The following YAP1 variants were observed in gnomAD, a reference collection of about 807,000 sequenced individuals.
The protein encoded by YAP1 is transcriptional coactivator YAP1.
In YAP1, 5 loss-of-function variants were observed where a neutral mutation model predicts 56.9. That is an observed-to-expected ratio of 0.09 (90% CI 0.05 to 0.18). YAP1 has a LOEUF of 0.18. YAP1 is among the 10% of genes least tolerant of loss of function. The pLI is 1.00. For synonymous variants in YAP1, 265 were observed against 248.1 expected (o/e 1.07, Z -0.64); for missense variants, 539 against 651.8 (o/e 0.83, Z 1.88).
In YAP1 at chr11:102,232,249, C is replaced by T. The variant is rs2135737459; in HGVS notation, c.*2309C>T. The T allele has an allele frequency of 9.2e-6, 1 of 108,534 alleles. No individual in the cohort carries two copies. The highest frequency in any genetic ancestry group is 3.2e-4 in the South Asian group (1 of 3,150). The allele number at this position is 108,534 out of a possible 1,614,324, so 6.7% of individuals were successfully genotyped here. A position where few individuals can be genotyped will look rare whatever the true frequency, so the allele number is the denominator to read the frequency against. On this transcript the variant is annotated 3_prime_UTR_variant, in exon 9 of 9. Coordinates refer to ENST00000282441, the MANE Select transcript of YAP1 (RefSeq NM_001130145.3). ...TATATCTTATATATCAGCAGATTAG[C>T]TTTAGCTTAGGGGGAGGGTGGGAAA...
rs752792814 is a variant in YAP1, at chr11:102,209,587, A to G, written c.1032+23A>G. On this transcript the variant is annotated intron_variant, in intron 6 of 8. Transcript: ENST00000282441. ...CAGGTAGGCTCTTATCTGATGTTTT[A>G]GCACTGGAAAAAAAAAAAAAAAGAT... 6 of 1,522,730 alleles carry G rather than the reference A, an allele frequency of 3.9e-6. No individual in the cohort carries two copies. The East Asian group carries it at 1.4e-4, about 36-fold the overall frequency. 94.3% of individuals were successfully genotyped at this position (1,522,730 alleles called of 1,614,324 possible).
At chr11:102,176,745 C>CA (rs57082707) in intron 3 of YAP1, among the ~76,000 whole-genome samples, 459 of 45,504 alleles carry the variant, frequency 0.01, 37 homozygotes, top group Non-Finnish European at 0.013. Context: ...GACTCCGTCT[C>CA]AAAAAAAAAA....
chr11:102,186,433 G>GGT, intron 4 of YAP1: 1 of 251,392 alleles, frequency 4.0e-6, no homozygotes. Context: ...TTTTTAAAAT[G>GGT]TTTTTTTTTT....
rs754789933 is a variant in YAP1 at position 102,229,951 on chromosome 11, C to T, written c.*11C>T. 4 of 1,606,926 alleles carry T rather than the reference C, an allele frequency of 2.5e-6. No homozygotes were observed. The highest frequency in any genetic ancestry group is 1.7e-5 in the Admixed American group (1 of 59,938). ...CTTACATGGTTATAGAGCCCTCAGGCAGACTGAATTCTAAATCTGTGAAGG... is the reference window on the plus strand; with the variant it reads ...CTTACATGGTTATAGAGCCCTCAGGTAGACTGAATTCTAAATCTGTGAAGG... On this transcript the variant is annotated 3_prime_UTR_variant, in exon 9 of 9. Coordinates refer to ENST00000282441, the MANE Select transcript of YAP1 (RefSeq NM_001130145.3).
At chr11:102,143,317 A>C (rs1390164290) in intron 2 of YAP1, among the ~76,000 whole-genome samples, 3 of 152,200 alleles carry the variant, frequency 2.0e-5, no homozygotes, top group Non-Finnish European at 2.9e-5. Flanking sequence ...ATCAATAAGG[A>C]AGAATTAAGT....
intron 6 of YAP1, among the ~76,000 whole-genome samples, chr11:102,210,897 C>T (rs1375270702): frequency 2.6e-5 from 4 of 152,158 alleles, no homozygotes; most frequent in Non-Finnish European, 4.4e-5. Context: ...GGACTACAGG[C>T]GCCCGCCACC....
At chr11:102,111,282 T>G in intron 1 of YAP1, 113 bp downstream of exon 1, 9 of 1,292,846 alleles carry the variant, frequency 7.0e-6, no homozygotes, top group Non-Finnish European at 8.4e-6. Flanking sequence ...GCGGGAACTC[T>G]AGCTGGGGTG....
intron 3 of YAP1, among the ~76,000 whole-genome samples, chr11:102,163,463 A>G (rs75358904): frequency 0.081 from 12,378 of 152,142 alleles, 710 homozygotes; most frequent in Middle Eastern, 0.2. Context: ...TCCTCTGGGA[A>G]GATGTAACAT....
intron 4 of YAP1, among the ~76,000 whole-genome samples, chr11:102,191,121 C>T (rs1948255485): frequency 6.6e-6 from 1 of 151,722 alleles, no homozygotes; most frequent in African/African-American, 2.4e-5. Context: ...TGCAGTGAGC[C>T]CAAGATCGCA....
intron 3 of YAP1, among the ~76,000 whole-genome samples, chr11:102,175,094 C>T (rs1324702805): frequency 6.6e-6 from 1 of 152,096 alleles, no homozygotes; most frequent in Non-Finnish European, 1.5e-5. Flanking sequence ...ATGGATTAGC[C>T]ACCAACCACT....
intron 4 of YAP1, among the ~76,000 whole-genome samples, chr11:102,190,424 A>G (rs1948212366): frequency 6.6e-6 from 1 of 152,082 alleles, no homozygotes; most frequent in African/African-American, 2.4e-5. Context: ...TGAGGCCAGG[A>G]GTTCCTGACC....
At chr11:102,202,725 T>C (rs1948936508) in intron 4 of YAP1, among the ~76,000 whole-genome samples, 1 of 152,036 alleles carries the variant, frequency 6.6e-6, no homozygotes, top group African/African-American at 2.4e-5. Flanking sequence ...TGGGTTTAGG[T>C]TTAAAAAAAT....
rs544776704 is a variant in YAP1 at position 102,206,920 on chromosome 11, T to G, written c.984+846T>G. 6.5e-4 allele frequency among the ~76,000 whole-genome samples: 96 copies of G among 148,628 alleles called. No homozygotes were observed. The South Asian group carries it at 0.02, about 31-fold the overall frequency. On this transcript the variant is annotated intron_variant, in intron 5 of 8. Transcript: ENST00000282441. ...CCTGCTTATGGATGTTTTTTTATTT[T>G]GGGGAAAGTAGGACATAGTAGAGAG...
intron 4 of YAP1, among the ~76,000 whole-genome samples, chr11:102,198,335 A>G (rs756724299): frequency 2.0e-5 from 3 of 152,218 alleles, no homozygotes; most frequent in African/African-American, 4.8e-5. Flanking sequence ...TGCTTTTGGT[A>G]TCTAATTCTG....
In YAP1 at chr11:102,161,053, C is replaced by CTTTTT. The variant is rs67023819; in HGVS notation, c.573-1382_573-1378dup. Among the ~76,000 whole-genome samples, 465 of 75,488 alleles carry CTTTTT rather than the reference C, an allele frequency of 6.2e-3. 1 individual carries two copies. Among genetic ancestry groups the CTTTTT allele is most frequent in the Middle Eastern group, 0.029 (2 of 70 alleles). 49.5% of individuals were successfully genotyped at this position (75,488 alleles called of 152,430 possible). On this transcript the variant is annotated intron_variant, in intron 2 of 8. Transcript: ENST00000282441. ...GGCCAGTGTCACCAATAATTTCTTT[C>CTTTTT]TTTTTTTTTTTTTTTTTTTTTTTTT...
At chr11:102,120,557 G>A (rs1943588121) in intron 2 of YAP1, among the ~76,000 whole-genome samples, 1 of 152,116 alleles carries the variant, frequency 6.6e-6, no homozygotes, top group African/African-American at 2.4e-5. Flanking sequence ...TCTCTTTATG[G>A]GATGTTAGTC....
chr11:102,135,817 T>C (rs975665572), intron 2 of YAP1, among the ~76,000 whole-genome samples: 2 of 152,258 alleles, frequency 1.3e-5, no homozygotes, highest in African/African-American at 4.8e-5. Context: ...TGAAGTGATA[T>C]CTGCAAATAT....
chr11:102,223,333 G>A (rs988347386), intron 6 of YAP1, among the ~76,000 whole-genome samples: 4 of 151,694 alleles, frequency 2.6e-5, no homozygotes, highest in East Asian at 1.9e-4. Flanking sequence ...GAGGATTTGG[G>A]AGTATCTTCC....
At chr11:102,163,361 A>G (rs1343952804) in intron 3 of YAP1, among the ~76,000 whole-genome samples, 1 of 152,168 alleles carries the variant, frequency 6.6e-6, no homozygotes, top group Non-Finnish European at 1.5e-5. Flanking sequence ...TCCTTATCAC[A>G]TACTGTCTGG....
Sources: allele counts gnomAD v4.1 joint callset (sites outside exome capture counted in the v4.1 genomes callset), GRCh38; gene constraint gnomAD v4.1.1; transcripts MANE v1.5; gene names NCBI Gene and HGNC (gene_info 2026-07-23, HGNC 2026-07-21).